The following CNGA3 variants were observed in gnomAD, a reference collection of about 807,000 sequenced individuals.
CNGA3 encodes cyclic nucleotide-gated channel alpha-3.
In CNGA3, 42 loss-of-function variants were observed where a neutral mutation model predicts 46.6. That is an observed-to-expected ratio of 0.90 (90% CI 0.70 to 1.17). The LOEUF (loss-of-function observed/expected upper bound fraction) is 1.17, where lower values mean the gene tolerates loss of function less well. Among genes scored for constraint, CNGA3 ranks in the 50% most tolerant of loss-of-function variants. CNGA3 has a pLI of 0.00. For missense variants in CNGA3, 893 were observed against 890.7 expected (o/e 1.00, Z -0.03); for synonymous variants, 394 against 369.4 (o/e 1.07, Z -0.76).
In CNGA3 at chr2:98,396,285, C is replaced by T. The variant is rs2104246962; in HGVS notation, c.1115C>T (p.Pro372Leu). Residue 372 changes from proline (P) to leucine (L), a missense_variant, in exon 8 of 8, where the codon CCC becomes CTC. Physicochemically the swap from Pro to Leu is moderately conservative, Grantham distance 98. This residue lies in a region of CNGA3 where 548 missense variants were observed against 570.8 expected (regional missense o/e 0.96). Coordinates refer to ENST00000272602, the MANE Select transcript of CNGA3 (RefSeq NM_001298.3). The part of the protein sequence containing the change: ...TLTTIGETPP[P>L]VKDEEYLFVV... Reference sequence around the variant, plus strand: ...ACCACCATTGGTGAGACCCCACCCCCCGTGAAAGATGAGGAGTATCTCTTT... The same window carrying T: ...ACCACCATTGGTGAGACCCCACCCCTCGTGAAAGATGAGGAGTATCTCTTT... The T allele has an allele frequency of 6.8e-6, 11 of 1,610,960 alleles. No individual in the cohort carries two copies. Among genetic ancestry groups the T allele is most frequent in the Non-Finnish European group, 9.3e-6 (11 of 1,177,642 alleles).
intron 1 of CNGA3, among the ~76,000 whole-genome samples, chr2:98,351,679 G>A (rs746134576): frequency 2.0e-5 from 3 of 152,128 alleles, no homozygotes; most frequent in South Asian, 2.1e-4. Flanking sequence ...CACGTAAAAA[G>A]TTATAGAGCA....
chr2:98,379,969 G>A lies in CNGA3; in HGVS notation c.216-206G>A. On this transcript the variant is annotated intron_variant, in intron 3 of 7. Transcript: ENST00000272602. ...CCCTGACTGCAGGGTGGAGGGAGAA[G>A]GGGATAAACGGTCCCCATGGGGCAG... 1.6e-5 allele frequency: 10 copies of A among 619,918 alleles called. No individual in the cohort carries two copies. In the South Asian group the frequency reaches 1.9e-4, roughly 12 times the overall value. 38.4% of individuals were successfully genotyped at this position (619,918 alleles called of 1,614,324 possible).
At chr2:98,362,622 G>A (rs62156304) in intron 1 of CNGA3, among the ~76,000 whole-genome samples, 29,146 of 152,046 alleles carry the variant, frequency 0.19, 3,181 homozygotes, top group Non-Finnish European at 0.26. Flanking sequence ...TCTGATGATA[G>A]TTTCTTTTGC....
At chr2:98,392,824 G>A (rs547116638) in intron 7 of CNGA3, among the ~76,000 whole-genome samples, 1 of 152,272 alleles carries the variant, frequency 6.6e-6, no homozygotes, top group African/African-American at 2.4e-5. Flanking sequence ...GACTTCCTTC[G>A]AATCATCTGT....
chr2:98,362,728 C>G (rs542794603), intron 1 of CNGA3, among the ~76,000 whole-genome samples: 1 of 151,998 alleles, frequency 6.6e-6, no homozygotes, highest in Non-Finnish European at 1.5e-5. Flanking sequence ...AGCCTTTGCC[C>G]GTGCCTGTCT....
chr2:98,352,495 AC>A (rs1425671274), intron 1 of CNGA3, among the ~76,000 whole-genome samples: 5 of 152,158 alleles, frequency 3.3e-5, no homozygotes, highest in Admixed American at 1.3e-4. Flanking sequence ...TTACATTCCC[AC>A]CAGCAATGAA....
chr2:98,388,659 C>T (rs765704128), intron 5 of CNGA3, among the ~76,000 whole-genome samples: 36 of 152,242 alleles, frequency 2.4e-4, no homozygotes, highest in Non-Finnish European at 3.7e-4. Flanking sequence ...TGAGCCTGCT[C>T]ATGTGCCCCC....
At chr2:98,352,711 C>T (rs541090435) in intron 1 of CNGA3, among the ~76,000 whole-genome samples, 12 of 152,182 alleles carry the variant, frequency 7.9e-5, no homozygotes, top group Middle Eastern at 3.4e-3. Flanking sequence ...CAATCCATTG[C>T]GAGCCCGGGT....
chr2:98,370,148 G>T, intron 2 of CNGA3, 72 bp downstream of exon 2: 2 of 1,298,286 alleles, frequency 1.5e-6, no homozygotes, highest in Non-Finnish European at 2.2e-6. Flanking sequence ...TCTAGACTGT[G>T]GGGGAAGAAT....
At chr2:98,381,221 A>G (rs1692529950) in intron 4 of CNGA3, among the ~76,000 whole-genome samples, 1 of 152,126 alleles carries the variant, frequency 6.6e-6, no homozygotes, top group Non-Finnish European at 1.5e-5. Flanking sequence ...AGGAGAGGCA[A>G]GACGTTGAGG....
rs1692924384 is a variant in CNGA3, at chr2:98,396,657, T to C, written c.1487T>C (p.Leu496Pro). The C allele has an allele frequency of 6.2e-7, 1 of 1,614,032 alleles. No individual in the cohort carries two copies. Among genetic ancestry groups the C allele is most frequent in the Non-Finnish European group, 8.5e-7 (1 of 1,180,044 alleles). Reference protein sequence around the residue: ...CEAGLLVELVLKLRPTVFSPG... With the variant: ...CEAGLLVELVPKLRPTVFSPG... ...GCAGGGCTGCTGGTGGAGCTGGTGC[T>C]GAAGCTGCGACCCACTGTGTTCAGC... The change falls in exon 8 of 8, where the codon CTG becomes CCG. Residue 496 changes from leucine to proline, a missense_variant. Around this residue, in one of 3 missense-constraint regions of CNGA3, gnomAD observed 548 missense variants for 570.8 expected, o/e 0.96. Transcript: ENST00000272602.
intron 1 of CNGA3, among the ~76,000 whole-genome samples, chr2:98,369,122 G>A (rs1692229309): frequency 6.6e-6 from 1 of 152,198 alleles, no homozygotes; most frequent in South Asian, 2.1e-4. Context: ...CTTTGGGAAA[G>A]GGCTTTAATT....
chr2:98,358,586 A>T (rs374084004), intron 1 of CNGA3, among the ~76,000 whole-genome samples: 1 of 152,222 alleles, frequency 6.6e-6, no homozygotes, highest in African/African-American at 2.4e-5. Flanking sequence ...AGTAAACTCC[A>T]TTGGACAAAT....
chr2:98,353,226 T>C (rs1285207587), intron 1 of CNGA3, among the ~76,000 whole-genome samples: 1 of 152,188 alleles, frequency 6.6e-6, no homozygotes, highest in Non-Finnish European at 1.5e-5. Flanking sequence ...TGTTTAAGGA[T>C]CAATGGTATA....
intron 6 of CNGA3, 59 bp from the exon 7 acceptor site, chr2:98,391,805 G>A: frequency 6.5e-7 from 1 of 1,533,268 alleles, no homozygotes; most frequent in Non-Finnish European, 9.0e-7. Context: ...CCCACAGGTG[G>A]GTGGTCCACG....
At chr2:98,376,779 T>C (rs1195323892) in intron 2 of CNGA3, among the ~76,000 whole-genome samples, 1 of 152,204 alleles carries the variant, frequency 6.6e-6, no homozygotes, top group African/African-American at 2.4e-5. Flanking sequence ...TAGACTGAAG[T>C]GCAAATCCCT....
intron 1 of CNGA3, among the ~76,000 whole-genome samples, chr2:98,357,169 T>C (rs1256363718): frequency 6.6e-6 from 1 of 151,972 alleles, no homozygotes; most frequent in African/African-American, 2.4e-5. Flanking sequence ...GCTTTTGGAG[T>C]CAGTAAAGGA....
At chr2:98,371,582 C>A (rs1356103314) in intron 2 of CNGA3, among the ~76,000 whole-genome samples, 1 of 152,156 alleles carries the variant, frequency 6.6e-6, no homozygotes, top group Non-Finnish European at 1.5e-5. Context: ...TAACTCGGTG[C>A]TGGGGCCCCA....
intron 7 of CNGA3, among the ~76,000 whole-genome samples, chr2:98,393,741 A>C (rs1200739628): frequency 6.6e-6 from 1 of 152,054 alleles, no homozygotes; most frequent in East Asian, 1.9e-4. Flanking sequence ...GTAGTACCCT[A>C]AGCAACCAAG....
Sources: allele counts gnomAD v4.1 joint callset (sites outside exome capture counted in the v4.1 genomes callset), GRCh38; gene constraint gnomAD v4.1.1; regional missense constraint gnomAD v4.1.1; transcripts MANE v1.5; gene names NCBI Gene and HGNC (gene_info 2026-07-23, HGNC 2026-07-21).